Variants in MYH10 observed in about 807,000 individuals in gnomAD.
The protein encoded by MYH10 is myosin heavy chain 10, also known as myosin-10.
MYH10 carries 55 observed loss-of-function variants against 257.8 expected under a neutral mutation model. The observed-to-expected ratio is 0.21, with a 90% CI of 0.17 to 0.27. The LOEUF (loss-of-function observed/expected upper bound fraction) is 0.27. MYH10 is among the 10% of genes least tolerant of loss of function. MYH10 has a pLI of 1.00. For synonymous variants in MYH10, 854 were observed against 921.7 expected, an observed-to-expected ratio of 0.93 and a Z score of 1.33; for missense variants, 1,631 against 2,500.6, an observed-to-expected ratio of 0.65 and a Z score of 7.42.
rs1420097218 is a variant in MYH10 at position 8,489,706 on chromosome 17, AAAAC to A, written c.4884+630_4884+633del. Among the ~76,000 whole-genome samples, 251 of 112,914 alleles carry A rather than the reference AAAAC, an allele frequency of 2.2e-3. 7 individuals are homozygous for A. In the East Asian group the frequency reaches 0.034, roughly 15 times the overall value. 74.1% of individuals were successfully genotyped at this position (112,914 alleles called of 152,430 possible). On this transcript the variant is annotated intron_variant, in intron 35 of 42. Coordinates refer to ENST00000360416, the MANE Select transcript of MYH10 (RefSeq NM_001256012.3). ...GTGACAGAGCGAGACTCCGTCTGAAAAAACACACACACACACACACACACACACA... is the reference window on the plus strand; with the variant it reads ...GTGACAGAGCGAGACTCCGTCTGAAAACACACACACACACACACACACACA...
chr17:8,612,138 G>A (rs2085065237), intron 2 of MYH10, among the ~76,000 whole-genome samples: 1 of 152,190 alleles, frequency 6.6e-6, no homozygotes, highest in Non-Finnish European at 1.5e-5. Context: ...TCATCATGCT[G>A]TACAGCTATT....
chr17:8,526,082 C>T (rs558953353), intron 17 of MYH10, among the ~76,000 whole-genome samples: 26 of 152,296 alleles, frequency 1.7e-4, no homozygotes, highest in African/African-American at 5.8e-4. Flanking sequence ...TGAGCCACCG[C>T]GCCCAGCCGT....
chr17:8,578,243 C>CTTTTTTTTT (rs5819199), intron 4 of MYH10, among the ~76,000 whole-genome samples: 17 of 129,186 alleles, frequency 1.3e-4, no homozygotes, highest in East Asian at 4.4e-4. Context: ...TTCTTTCTTT[C>CTTTTTTTTT]TTTTTTTTTT....
At chr17:8,596,777 G>A (rs1567959051) in intron 3 of MYH10, among the ~76,000 whole-genome samples, 1 of 152,016 alleles carries the variant, frequency 6.6e-6, no homozygotes. Context: ...GTATGGATGA[G>A]CCATCCTCTA....
At chr17:8,530,541 A>T (rs1184728073) in intron 17 of MYH10, 82 bp downstream of exon 17, 1 of 80,362 alleles carries the variant, frequency 1.2e-5, no homozygotes, top group Non-Finnish European at 2.6e-5. Context: ...CTCCCCGGCC[A>T]CCCTGCCAGT....
intron 3 of MYH10, among the ~76,000 whole-genome samples, chr17:8,595,423 TTC>T (rs1417318464): frequency 3.6e-5 from 3 of 84,366 alleles, no homozygotes; most frequent in East Asian, 3.6e-4. Context: ...GTAAGAACAG[TTC>T]TTTTTTTTTT....
chr17:8,600,861 G>A (rs542955170), intron 3 of MYH10, among the ~76,000 whole-genome samples: 8 of 152,204 alleles, frequency 5.3e-5, no homozygotes, highest in Middle Eastern at 3.4e-3. Context: ...CTCATACCCC[G>A]TATGTGGGGG....
intron 4 of MYH10, among the ~76,000 whole-genome samples, chr17:8,580,922 G>A (rs1407236139): frequency 6.6e-6 from 1 of 152,168 alleles, no homozygotes. Context: ...AAAGGAAAAA[G>A]AGAAGGAAGG....
chr17:8,489,566 T>G (rs1320768379), intron 35 of MYH10, among the ~76,000 whole-genome samples: 1 of 152,142 alleles, frequency 6.6e-6, no homozygotes, highest in Admixed American at 6.5e-5. Flanking sequence ...TAGCTGGGCA[T>G]GGTGGTGTGT....
intron 35 of MYH10, among the ~76,000 whole-genome samples, chr17:8,489,747 C>CACACACACACACACACACACACACA (rs1567784631): frequency 1.3e-5 from 1 of 79,694 alleles, no homozygotes; most frequent in African/African-American, 5.9e-5. Flanking sequence ...ACACACACAC[C>CACACACACACACACACACACACACA]CCAAATCCAA....
chr17:8,626,677 T>C (rs2085695856), intron 1 of MYH10, among the ~76,000 whole-genome samples: 1 of 150,874 alleles, frequency 6.6e-6, no homozygotes, highest in Non-Finnish European at 1.5e-5. Context: ...ACATCACAGG[T>C]AAATTTGAGA....
At position 8,545,069 on chromosome 17, in the gene MYH10, T is replaced by C. The variant is rs1225422007; in HGVS notation, c.1431+379A>G. ...TCTGGTCAGCTATATCCAGTCATACTGGCTTTCTAGCAGCTTAGAACATTT... is the reference window on the plus strand; with the variant it reads ...TCTGGTCAGCTATATCCAGTCATACCGGCTTTCTAGCAGCTTAGAACATTT... On this transcript the variant is annotated intron_variant, in intron 13 of 42. Coordinates refer to ENST00000360416, the MANE Select transcript of MYH10 (RefSeq NM_001256012.3). The surrounding 1 kb of genome is among the most constrained non-coding windows in gnomAD (Gnocchi z 4.7). Among the ~76,000 whole-genome samples, 1 of 152,250 alleles carries C rather than the reference T, an allele frequency of 6.6e-6. No individual in the cohort carries two copies. The highest frequency in any genetic ancestry group is 1.5e-5 in the Non-Finnish European group (1 of 68,042).
chr17:8,525,910 A>G (rs924688084), intron 17 of MYH10, among the ~76,000 whole-genome samples: 7 of 152,098 alleles, frequency 4.6e-5, no homozygotes, highest in Admixed American at 1.3e-4. Context: ...CTCCTGCCTC[A>G]TCCTTTTGAG....
chr17:8,511,029 T>TATATACAC, intron 24 of MYH10: 2 of 4,558 alleles, frequency 4.4e-4, no homozygotes, highest in African/African-American at 5.2e-4. Flanking sequence ...TATATATATA[T>TATATACAC]ATATATATAT....
chr17:8,529,495 C>T (rs1376773003), intron 17 of MYH10, among the ~76,000 whole-genome samples: 3 of 152,216 alleles, frequency 2.0e-5, no homozygotes, highest in Non-Finnish European at 2.9e-5. Flanking sequence ...AAGCTTCCCC[C>T]GTCCATTTCA....
rs1027709209 is a variant in MYH10, at chr17:8,474,247, A to T, written c.*1557T>A. On this transcript the variant is annotated 3_prime_UTR_variant, in exon 43 of 43. Coordinates refer to ENST00000360416, the MANE Select transcript of MYH10 (RefSeq NM_001256012.3). ...TATTCTTGTTTATTGAGGTCTCTTT[A>T]TTCTCCACGGGTGCTTTTTTCTTCA... The T allele has an allele frequency of 2.2e-4, 33 of 152,776 alleles. No individual in the cohort carries two copies. The highest frequency in any genetic ancestry group is 7.9e-4 in the African/African-American group (33 of 41,590). The allele number at this position is 152,776 out of a possible 1,614,324, so 9.5% of individuals were successfully genotyped here.
At chr17:8,517,449 T>C (rs1421997522) in intron 21 of MYH10, among the ~76,000 whole-genome samples, 1 of 152,136 alleles carries the variant, frequency 6.6e-6, no homozygotes, top group Non-Finnish European at 1.5e-5. Flanking sequence ...CAAAACTGTC[T>C]GGATGGCAAA....
At position 8,552,599 on chromosome 17, in the gene MYH10, A is replaced by G. The variant is rs921310288; in HGVS notation, c.821-455T>C. Among the ~76,000 whole-genome samples the G allele has an allele frequency of 6.6e-6, 1 of 152,238 alleles. No individual in the cohort carries two copies. Among genetic ancestry groups the G allele is most frequent in the African/African-American group, 2.4e-5 (1 of 41,454 alleles). ...GAAATTAGTCAAAATAATATAGTTA[A>G]TAAGTGGTACAGTTAGGAACCAAAA... On this transcript the variant is annotated intron_variant, in intron 8 of 42. Transcript: ENST00000360416. The surrounding 1 kb of genome is among the most constrained non-coding windows in gnomAD (Gnocchi z 4.8).
In MYH10 at chr17:8,490,273, TACTG is replaced by T. The variant is rs1915557002; in HGVS notation, c.4884+63_4884+66del. On this transcript the variant is annotated intron_variant, in intron 35 of 42. Coordinates refer to ENST00000360416, the MANE Select transcript of MYH10 (RefSeq NM_001256012.3). The surrounding 1 kb of genome is among the most constrained non-coding windows in gnomAD (Gnocchi z 4.1). ...TGTGTTCTAACACGAATGAACAGGA[TACTG>T]ACCCAGAGCTGGGCTTTGAGAGCCT... The T allele has an allele frequency of 7.2e-7, 1 of 1,398,242 alleles. No homozygotes were observed. The allele number at this position is 1,398,242 out of a possible 1,614,324, so 86.6% of individuals were successfully genotyped here.
Sources: allele counts gnomAD v4.1 joint callset (sites outside exome capture counted in the v4.1 genomes callset), GRCh38; gene constraint gnomAD v4.1.1; non-coding constraint Gnocchi (gnomAD v3.1); transcripts MANE v1.5; gene names NCBI Gene and HGNC (gene_info 2026-07-23, HGNC 2026-07-21).